Variants in IQSEC3 observed in about 807,000 individuals in gnomAD.
IQSEC3 encodes the protein IQ motif and SEC7 domain-containing protein 3.
In IQSEC3, 50 loss-of-function variants were observed where a neutral mutation model predicts 105.4. The observed-to-expected ratio is 0.47, with a 90% CI of 0.38 to 0.60. IQSEC3 has a LOEUF of 0.60. IQSEC3 is among the 20% of genes least tolerant of loss of function. The pLI is 0.00. For missense variants in IQSEC3, 1,415 were observed against 1,630.0 expected, an observed-to-expected ratio of 0.87 and a Z score of 2.27; for synonymous variants, 708 against 746.0, an observed-to-expected ratio of 0.95 and a Z score of 0.83.
chr12:73,441 A>G (rs1227163692), intron 1 of IQSEC3, among the ~76,000 whole-genome samples: 1 of 152,288 alleles, frequency 6.6e-6, no homozygotes, highest in Non-Finnish European at 1.5e-5. Context: ...TAAAGAAACC[A>G]AGATGGCAGA....
intron 2 of IQSEC3, among the ~76,000 whole-genome samples, chr12:118,134 G>A (rs1203578085): frequency 2.0e-5 from 3 of 152,156 alleles, no homozygotes; most frequent in Admixed American, 1.3e-4. Context: ...CAGTTATGCC[G>A]CACACTCTGC....
intron 3 of IQSEC3, among the ~76,000 whole-genome samples, chr12:126,844 T>C (rs149059721): frequency 5.9e-5 from 9 of 152,350 alleles, no homozygotes; most frequent in African/African-American, 2.2e-4. Context: ...GAAAGGAAGC[T>C]AGTGGGAAGG....
chr12:140,934 C>T, intron 4 of IQSEC3, 190 bp from the exon 5 acceptor site: 1 of 554,258 alleles, frequency 1.8e-6, no homozygotes, highest in Non-Finnish European at 3.2e-6. Flanking sequence ...TCTCCCCTGT[C>T]CTCCTTCTGG....
intron 5 of IQSEC3, 147 bp downstream of exon 5, chr12:141,432 T>G: frequency 1.2e-6 from 1 of 825,288 alleles, no homozygotes; most frequent in Non-Finnish European, 1.9e-6. Flanking sequence ...AATCCCCTCT[T>G]TAGCCCATCA....
At chr12:124,754 A>G (rs1432278725) in intron 2 of IQSEC3, among the ~76,000 whole-genome samples, 15 of 152,198 alleles carry the variant, frequency 9.9e-5, no homozygotes, top group African/African-American at 3.4e-4. Context: ...CTGGGCCTCA[A>G]GGGAGGGGCA....
In IQSEC3 at chr12:99,190, C is replaced by G; in HGVS notation, c.599C>G (p.Ala200Gly). 6.3e-7 allele frequency: 1 copy of G among 1,598,878 alleles called. No homozygotes were observed. Among genetic ancestry groups the G allele is most frequent in the South Asian group, 1.1e-5 (1 of 90,952 alleles). ...CAGTTCTGCTGCCCAGCCGCCGACG[C>G]CTGCTCCGACCTGGCCTCCCAAAGG... ...LHQFCCPAADACSDLASQSDG... is the reference protein window; with the variant it reads ...LHQFCCPAADGCSDLASQSDG... The change falls in exon 2 of 14, where the codon GCC becomes GGC. Residue 200 changes from alanine (A) to glycine (G), a missense_variant. Transcript: ENST00000538872.
chr12:85,469 G>T (rs1195609319), intron 1 of IQSEC3, among the ~76,000 whole-genome samples: 1 of 152,254 alleles, frequency 6.6e-6, no homozygotes, highest in Non-Finnish European at 1.5e-5. Flanking sequence ...TCCCTGCAAA[G>T]TCTGCTGGAG....
At position 125,904 on chromosome 12, in the gene IQSEC3, A is replaced by T. The variant is rs912678330; in HGVS notation, c.895A>T (p.Asn299Tyr). Residue 299 changes from asparagine (N) to tyrosine (Y), a missense_variant, in exon 3 of 14, where the codon AAT becomes TAT. Asn to Tyr is a moderately radical substitution (Grantham distance 143). This residue lies in a region of IQSEC3 where 720 missense variants were observed against 633.0 expected (regional missense o/e 1.14). Transcript: ENST00000538872. Reference protein sequence around the residue: ...SDYELSLDLKNKQIEMLEHKY... With the variant: ...SDYELSLDLKYKQIEMLEHKY... ...TTACGAACTCTCCCTTGACCTAAAGAATAAACAGGTACCCAGGGCCTCCTA... is the reference window on the plus strand; with the variant it reads ...TTACGAACTCTCCCTTGACCTAAAGTATAAACAGGTACCCAGGGCCTCCTA... 3.3e-6 allele frequency: 5 copies of T among 1,533,130 alleles called. No individual in the cohort carries two copies. Among genetic ancestry groups the T allele is most frequent in the Non-Finnish European group, 4.4e-6 (5 of 1,146,268 alleles). 95.0% of individuals were successfully genotyped at this position (1,533,130 alleles called of 1,614,324 possible).
rs368214758 is a variant in IQSEC3, at chr12:154,560, C to T, written c.2154-2465C>T. Among the ~76,000 whole-genome samples the T allele has an allele frequency of 1.2e-4, 19 of 152,256 alleles. No homozygotes were observed. The Middle Eastern group carries it at 0.014, about 109-fold the overall frequency. Reference sequence around the variant, plus strand: ...GATGGCACTCAGAGGGACCAAGGGCCGTTCTGGGGCCCTGAGGACCCAGGC... The same window carrying T: ...GATGGCACTCAGAGGGACCAAGGGCTGTTCTGGGGCCCTGAGGACCCAGGC... On this transcript the variant is annotated intron_variant, in intron 5 of 13. Transcript: ENST00000538872.
In IQSEC3 at chr12:138,292, G is replaced by A; in HGVS notation, c.929G>A (p.Gly310Asp). ...KQIEMLEHKY[G>D]GHLVSRRAAC... is the part of the protein sequence containing the mutation. ...ATTGAAATGCTAGAACATAAGTACG[G>A]CGGTCACCTGGTGTCCCGGCGCGCC... The change falls in exon 4 of 14, where the codon GGC becomes GAC. Residue 310 changes from glycine to aspartate, a missense_variant. Transcript: ENST00000538872. The surrounding 1 kb of genome is among the most constrained non-coding windows in gnomAD (Gnocchi z 7.1). 6.2e-7 allele frequency: 1 copy of A among 1,613,510 alleles called. No homozygotes were observed. Among genetic ancestry groups the A allele is most frequent in the Non-Finnish European group, 8.5e-7 (1 of 1,179,662 alleles).
rs535447164 is a variant in IQSEC3 at position 155,774 on chromosome 12, G to T, written c.2154-1251G>T. On this transcript the variant is annotated intron_variant, in intron 5 of 13. Transcript: ENST00000538872. ...GATGTGGTGGGCAGGCAGGCCAGGG[G>T]ACCATGGGAGCAGAGTGGGACTGCT... Among the ~76,000 whole-genome samples, 194 of 152,254 alleles carry T rather than the reference G, an allele frequency of 1.3e-3. 2 individuals carry two copies. Among genetic ancestry groups the T allele is most frequent in the Admixed American group, 3.6e-3 (55 of 15,296 alleles).
intron 1 of IQSEC3, among the ~76,000 whole-genome samples, chr12:83,077 C>T (rs1212946021): frequency 2.6e-5 from 4 of 152,110 alleles, no homozygotes; most frequent in Non-Finnish European, 5.9e-5. Context: ...GGGTTCACAC[C>T]GGTGCTGTGG....
chr12:95,857 G>A (rs1467872340), intron 1 of IQSEC3, among the ~76,000 whole-genome samples: 3 of 152,200 alleles, frequency 2.0e-5, no homozygotes, highest in African/African-American at 4.8e-5. Context: ...AGGTATTACA[G>A]TTTATTCAAT....
In IQSEC3 at chr12:157,664, A is replaced by AT; in HGVS notation, c.2414dup (p.Met805IlefsTer17). 1 of 1,613,912 alleles carries AT rather than the reference A, an allele frequency of 6.2e-7. No homozygotes were observed. The highest frequency in any genetic ancestry group is 8.5e-7 in the Non-Finnish European group (1 of 1,179,902). The stretch of plus-strand genomic sequence containing the variant: ...CAACATCAAGCCTGACCGGAAGATG[A>AT]TGCTGGAGGACTTCATCCGAAACCT... On this transcript the variant is annotated frameshift_variant, in exon 7 of 14. Transcript: ENST00000538872. LOFTEE classifies it high-confidence loss of function.
At chr12:121,715 C>T (rs932947287) in intron 2 of IQSEC3, among the ~76,000 whole-genome samples, 1 of 152,144 alleles carries the variant, frequency 6.6e-6, no homozygotes. Context: ...AACACCCCCC[C>T]GCTACAGAAT....
chr12:77,371 G>A (rs1286459552), intron 1 of IQSEC3: 1 of 981,186 alleles, frequency 1.0e-6, no homozygotes, highest in Admixed American at 6.1e-5. Flanking sequence ...CTATAAGCTT[G>A]AAGGAAGCCC....
At chr12:121,814 A>G (rs557329584) in intron 2 of IQSEC3, among the ~76,000 whole-genome samples, 95 of 152,242 alleles carry the variant, frequency 6.2e-4, no homozygotes, top group Non-Finnish European at 8.8e-4. Context: ...GTCACCCTGT[A>G]TTAGGGTCTA....
intron 1 of IQSEC3, among the ~76,000 whole-genome samples, chr12:90,207 G>A (rs1864039092): frequency 6.6e-6 from 1 of 152,168 alleles, no homozygotes; most frequent in South Asian, 2.1e-4. Context: ...TTTGTCCTTA[G>A]TATATTTCCT....
chr12:117,629 G>C (rs1289285733), intron 2 of IQSEC3, among the ~76,000 whole-genome samples: 2 of 152,226 alleles, frequency 1.3e-5, no homozygotes, highest in African/African-American at 4.8e-5. Flanking sequence ...GCTGAGCCCA[G>C]AGAAGTGGCT....
Sources: allele counts gnomAD v4.1 joint callset (sites outside exome capture counted in the v4.1 genomes callset), GRCh38; gene constraint gnomAD v4.1.1; regional missense constraint gnomAD v4.1.1; non-coding constraint Gnocchi (gnomAD v3.1); transcripts MANE v1.5; gene names NCBI Gene and HGNC (gene_info 2026-07-23, HGNC 2026-07-21).